DYNC2H1: variants seen among roughly 807,000 people sequenced by gnomAD.
DYNC2H1 encodes cytoplasmic dynein 2 heavy chain 1.
DYNC2H1 carries 410 observed loss-of-function variants against 570.0 expected under a neutral mutation model. That is an observed-to-expected ratio of 0.72 (90% CI 0.66 to 0.78). The LOEUF (loss-of-function observed/expected upper bound fraction) is 0.78, where lower values mean the gene tolerates loss of function less well. Among genes scored for constraint, DYNC2H1 ranks in the 30% least tolerant of loss-of-function variants. The pLI is 0.00. For missense variants in DYNC2H1, 4,865 were observed against 5,046.4 expected, an observed-to-expected ratio of 0.96 and a Z score of 1.09; for synonymous variants, 1,688 against 1,677.6, an observed-to-expected ratio of 1.01 and a Z score of -0.15.
chr11:103,364,597 TTG>T (rs1345676788), intron 83 of DYNC2H1, among the ~76,000 whole-genome samples: 3 of 146,138 alleles, frequency 2.1e-5, no homozygotes, highest in African/African-American at 8.2e-5. Flanking sequence ...TTAAATCTTG[TTG>T]TTTTTTTTTT....
At chr11:103,367,438 T>C (rs928060358) in intron 83 of DYNC2H1, among the ~76,000 whole-genome samples, 4 of 152,114 alleles carry the variant, frequency 2.6e-5, no homozygotes, top group Non-Finnish European at 5.9e-5. Context: ...TTTTCTTTAG[T>C]TTTCAAAATT....
intron 75 of DYNC2H1, among the ~76,000 whole-genome samples, chr11:103,298,975 G>A (rs7101644): frequency 0.17 from 25,403 of 151,880 alleles, 2,312 homozygotes; most frequent in Admixed American, 0.25. Flanking sequence ...AATCTACTAC[G>A]TTACTTTTTA....
At position 103,363,902 on chromosome 11, in the gene DYNC2H1, C is replaced by A. The variant is rs537530377; in HGVS notation, c.12156+5543C>A. Among the ~76,000 whole-genome samples, 1 of 152,210 alleles carries A rather than the reference C, an allele frequency of 6.6e-6. No individual in the cohort carries two copies. The highest frequency in any genetic ancestry group is 1.9e-4 in the East Asian group (1 of 5,178). On this transcript the variant is annotated intron_variant, in intron 83 of 88. Coordinates refer to ENST00000375735, the MANE Select transcript of DYNC2H1 (RefSeq NM_001377.3). This position sits in a 1 kb window ranked among gnomAD's most constrained non-coding sequence, Gnocchi z 5.6. ...TTATTTTCATGGAGCCAAGGACTCA[C>A]AAAAACTCATGACAGATAGCATTAT... is the stretch of plus-strand genomic sequence containing the variant.
chr11:103,243,399 G>A lies in DYNC2H1; in HGVS notation c.9820-294G>A, dbSNP rs1172513056. Among the ~76,000 whole-genome samples, 1 of 152,086 alleles carries A rather than the reference G, an allele frequency of 6.6e-6. No homozygotes were observed. The highest frequency in any genetic ancestry group is 1.5e-5 in the Non-Finnish European group (1 of 67,992). On this transcript the variant is annotated intron_variant, in intron 63 of 88. Transcript: ENST00000375735. This position sits in a 1 kb window ranked among gnomAD's most constrained non-coding sequence, Gnocchi z 4.8. ...GACTAAAGCTCTTGCTTAGCATAAT[G>A]TTAGTACAGATATTCTGTGTTATTT...
chr11:103,292,042 A>G (rs151182756), intron 75 of DYNC2H1, among the ~76,000 whole-genome samples: 31 of 152,096 alleles, frequency 2.0e-4, no homozygotes, highest in Non-Finnish European at 4.4e-5. Flanking sequence ...AATTTAGTCC[A>G]TTTATATTCA....
chr11:103,181,924 A>G lies in DYNC2H1; in HGVS notation c.6477+38A>G. On this transcript the variant is annotated intron_variant, in intron 40 of 88. Coordinates refer to ENST00000375735, the MANE Select transcript of DYNC2H1 (RefSeq NM_001377.3). The surrounding 1 kb of genome is among the most constrained non-coding windows in gnomAD (Gnocchi z 5.0). ...TAATATTTCATAATTAATCGAGGTG[A>G]GAAGTATGATTAAGAGTGATGCTTA... 1 of 1,584,914 alleles carries G rather than the reference A, an allele frequency of 6.3e-7. No individual in the cohort carries two copies. Among genetic ancestry groups the G allele is most frequent in the Non-Finnish European group, 8.6e-7 (1 of 1,163,184 alleles).
intron 52 of DYNC2H1, among the ~76,000 whole-genome samples, chr11:103,208,895 A>T (rs1421301609): frequency 1.3e-5 from 2 of 152,094 alleles, no homozygotes; most frequent in Non-Finnish European, 2.9e-5. Flanking sequence ...AGGCCAGCAC[A>T]CTTTGCTAAT....
intron 70 of DYNC2H1, among the ~76,000 whole-genome samples, chr11:103,267,895 A>C (rs1591499052): frequency 6.6e-6 from 1 of 152,036 alleles, no homozygotes; most frequent in Non-Finnish European, 1.5e-5. Context: ...AGGCCTGAAG[A>C]TCTTTCCATG....
chr11:103,125,113 A>G lies in DYNC2H1; in HGVS notation c.1675A>G (p.Ser559Gly). The G allele has an allele frequency of 1.2e-6, 2 of 1,612,258 alleles. No individual in the cohort carries two copies. The highest frequency in any genetic ancestry group is 1.7e-6 in the Non-Finnish European group (2 of 1,178,716). Residue 559 changes from serine to glycine, a missense_variant, in exon 12 of 89, where the codon AGT becomes GGT. Transcript: ENST00000375735. ...TTTGTTTTATAGTATTGAGGCTAGTAGTCGAATTATGGAATTGGATTCTAA... is the reference window on the plus strand; with the variant it reads ...TTTGTTTTATAGTATTGAGGCTAGTGGTCGAATTATGGAATTGGATTCTAA... ...SRSGLCIEAS[S>G]RIMELDSNDG...
chr11:103,115,239 C>T lies in DYNC2H1; in HGVS notation c.565C>T (p.Gln189Ter). ...AGAACAAGCTCACCGTGGAAATAAA[C>T]AGATTAGTAAAGAAAGAGCCAATTA... The part of the protein sequence containing the change: ...WIEQAHRGNK[Q>*]ISKERANYFK... Residue 189 changes from glutamine (Q) to a stop codon, truncating the protein, a stop_gained, in exon 4 of 89, where the codon CAG becomes TAG. Transcript: ENST00000375735. LOFTEE classifies it high-confidence loss of function. 6.2e-7 allele frequency: 1 copy of T among 1,609,112 alleles called. No individual in the cohort carries two copies. Among genetic ancestry groups the T allele is most frequent in the Non-Finnish European group, 8.5e-7 (1 of 1,177,612 alleles).
At chr11:103,139,182 T>G (rs887711833) in intron 17 of DYNC2H1, among the ~76,000 whole-genome samples, 14 of 152,344 alleles carry the variant, frequency 9.2e-5, no homozygotes, top group African/African-American at 3.4e-4. Flanking sequence ...ATTCATTAAT[T>G]TTTTGAATGG....
At chr11:103,271,164 C>T (rs796493225) in intron 70 of DYNC2H1, among the ~76,000 whole-genome samples, 10 of 151,942 alleles carry the variant, frequency 6.6e-5, no homozygotes, top group East Asian at 1.9e-4. Context: ...ATTTTTTCTG[C>T]GAAGATTAGT....
Position 103,264,813 on chromosome 11 carries a change from T to G in DYNC2H1, c.10695+4836T>G, listed in dbSNP as rs917895373. On this transcript the variant is annotated intron_variant, in intron 70 of 88. Coordinates refer to ENST00000375735, the MANE Select transcript of DYNC2H1 (RefSeq NM_001377.3). The surrounding 1 kb of genome is among the most constrained non-coding windows in gnomAD (Gnocchi z 4.8). ...ATTCCCTTTGAAAACCAGCACATGA[T>G]AAGGATGCCCTCTCTCACAACTCCT... Among the ~76,000 whole-genome samples the G allele has an allele frequency of 6.6e-6, 1 of 152,106 alleles. No individual in the cohort carries two copies. Among genetic ancestry groups the G allele is most frequent in the Admixed American group, 6.5e-5 (1 of 15,274 alleles).
At chr11:103,336,797 T>A (rs1939157262) in intron 82 of DYNC2H1, among the ~76,000 whole-genome samples, 1 of 152,228 alleles carries the variant, frequency 6.6e-6, no homozygotes, top group African/African-American at 2.4e-5. Flanking sequence ...TCCAATATAC[T>A]GATTTCCTTT....
At chr11:103,207,111 G>A (rs1356198394) in intron 52 of DYNC2H1, among the ~76,000 whole-genome samples, 2 of 151,736 alleles carry the variant, frequency 1.3e-5, no homozygotes, top group African/African-American at 4.8e-5. Context: ...TAGTAGAGAT[G>A]GGTTTCACCA....
In DYNC2H1 at chr11:103,374,684, G is replaced by A. The variant is rs1192070504; in HGVS notation, c.12156+16325G>A. Among the ~76,000 whole-genome samples the A allele has an allele frequency of 3.1e-4, 47 of 152,144 alleles. 1 individual carries two copies. Among genetic ancestry groups the A allele is most frequent in the Non-Finnish European group, 2.9e-5 (2 of 68,026 alleles). ...CTGAAGTAAAGGTCACTCTGGCTAT[G>A]CTTTAGTAGAGAGCTTTTTGACCCT... On this transcript the variant is annotated intron_variant, in intron 83 of 88. Transcript: ENST00000375735.
At chr11:103,160,256 T>C (rs1861033839) in intron 28 of DYNC2H1, among the ~76,000 whole-genome samples, 1 of 152,118 alleles carries the variant, frequency 6.6e-6, no homozygotes, top group South Asian at 2.1e-4. Context: ...GTTTTTTATA[T>C]ACTATAAAGT....
At chr11:103,462,803 T>G (rs1338299736) in intron 87 of DYNC2H1, among the ~76,000 whole-genome samples, 1 of 152,206 alleles carries the variant, frequency 6.6e-6, no homozygotes, top group Non-Finnish European at 1.5e-5. Context: ...TCATGTGCAG[T>G]TGTCTCTGGT....
chr11:103,344,934 T>C (rs4754071), intron 82 of DYNC2H1, among the ~76,000 whole-genome samples: 32,958 of 152,092 alleles, frequency 0.22, 3,704 homozygotes, highest in Admixed American at 0.31. Flanking sequence ...CTATCCAGTC[T>C]CCCTCCCGTT....
Sources: gnomAD v4.1 joint callset for allele counts (sites outside exome capture counted in the v4.1 genomes callset) on GRCh38, gnomAD v4.1.1 for gene constraint, Gnocchi (gnomAD v3.1) non-coding constraint, MANE v1.5 for transcripts, NCBI Gene and HGNC (gene_info 2026-07-23, HGNC 2026-07-21) for gene names.